Variants in GPHN observed in about 807,000 individuals in gnomAD.
GPHN encodes the protein gephyrin.
In GPHN, 17 loss-of-function variants were observed where a neutral mutation model predicts 95.5. The ratio of observed to expected loss-of-function variants is 0.18; its 90% CI spans 0.12 to 0.27. The LOEUF (loss-of-function observed/expected upper bound fraction) is 0.27, where lower values mean the gene tolerates loss of function less well. Ranked by LOEUF, GPHN falls within the 10% of genes least tolerant of loss-of-function variation. The probability of loss-of-function intolerance (pLI) is 1.00; values close to 1 mark genes in which losing one functional copy is unlikely to be tolerated. For missense variants in GPHN, 660 were observed against 978.1 expected (o/e 0.67, Z 4.34); for synonymous variants, 320 against 322.5 (o/e 0.99, Z 0.08).
At chr14:67,390,154 C>T in the GPHN span, among the ~76,000 whole-genome samples, 1 of 152,136 alleles carries the variant, frequency 6.6e-6, no homozygotes, top group Non-Finnish European at 1.5e-5. Context: ...GTATCAGAAA[C>T]ATAAAAATGA....
chr14:66,679,641 G>A (rs1218925129), intron 1 of GPHN, among the ~76,000 whole-genome samples: 4 of 152,080 alleles, frequency 2.6e-5, no homozygotes, highest in Non-Finnish European at 2.9e-5. Flanking sequence ...CTTTCTTGCT[G>A]TGCTTCAGTG....
At chr14:66,677,033 G>A (rs2066640819) in intron 1 of GPHN, among the ~76,000 whole-genome samples, 2 of 151,996 alleles carry the variant, frequency 1.3e-5, no homozygotes, top group Non-Finnish European at 1.5e-5. Context: ...ATGTGTCCAG[G>A]AATGTATCCA....
chr14:67,342,006 CACCACTCCCTAA>C, the GPHN span, among the ~76,000 whole-genome samples: 1 of 151,484 alleles, frequency 6.6e-6, no homozygotes, highest in Non-Finnish European at 1.5e-5. Context: ...TAAGAGTCAT[CACCACTCCCTAA>C]TCTCAAGTAC....
intron 14 of GPHN, 101 bp downstream of exon 14, chr14:67,110,360 T>C: frequency 8.0e-7 from 1 of 1,252,566 alleles, no homozygotes; most frequent in Non-Finnish European, 1.2e-6. Flanking sequence ...TTTTTTGGGT[T>C]GTTTAGTTTT....
chr14:67,662,962 T>C, the GPHN span: 1 of 1,255,186 alleles, frequency 8.0e-7, no homozygotes, highest in East Asian at 3.7e-5. Flanking sequence ...CCCTCACCAC[T>C]CCCACAGTGA....
the GPHN span, among the ~76,000 whole-genome samples, chr14:67,451,964 A>C: frequency 3.3e-5 from 5 of 152,158 alleles, no homozygotes; most frequent in African/African-American, 1.2e-4. Context: ...AGATGATTGA[A>C]TCATCAGGGT....
intron 1 of GPHN, among the ~76,000 whole-genome samples, chr14:66,569,054 G>A (rs534538612): frequency 2.6e-5 from 4 of 152,218 alleles, no homozygotes; most frequent in African/African-American, 9.6e-5. Flanking sequence ...ACATGAAATA[G>A]TATATATTTT....
At chr14:67,593,666 G>A in the GPHN span, 5 of 819,534 alleles carry the variant, frequency 6.1e-6, no homozygotes, top group Non-Finnish European at 8.3e-6. Flanking sequence ...TACGGTTTTA[G>A]TTTAAATCTG....
chr14:67,225,070 A>C, the GPHN span: 1 of 1,492,864 alleles, frequency 6.7e-7, no homozygotes, highest in African/African-American at 1.5e-5. Context: ...CTTCCTCTCT[A>C]TTGATCTCTC....
intron 2 of GPHN, chr14:66,760,909 A>G: frequency 1.0e-6 from 1 of 955,612 alleles, no homozygotes; most frequent in East Asian, 3.4e-5. Context: ...AAAGAAGTCA[A>G]GCAAAACATC....
the GPHN span, chr14:67,578,324 C>T: frequency 1.2e-6 from 1 of 837,642 alleles, no homozygotes; most frequent in Non-Finnish European, 1.9e-6. This position sits in a 1 kb window ranked among gnomAD's most constrained non-coding sequence, Gnocchi z 5.0. Flanking sequence ...CTCTGTGCTC[C>T]AAGCTGCATC....
chr14:67,284,312 G>T, the GPHN span, among the ~76,000 whole-genome samples: 2 of 151,416 alleles, frequency 1.3e-5, no homozygotes, highest in Non-Finnish European at 2.9e-5. Flanking sequence ...TCACAAGGTT[G>T]TGCAGGCAGG....
intron 13 of GPHN, among the ~76,000 whole-genome samples, chr14:67,103,511 C>CTTTTTTTTT: frequency 1.5e-4 from 8 of 53,394 alleles, no homozygotes; most frequent in African/African-American, 3.3e-4. Flanking sequence ...GTTTCTTTCT[C>CTTTTTTTTT]TTTTTTTTTT....
At chr14:66,702,950 A>T (rs1321982642) in intron 2 of GPHN, among the ~76,000 whole-genome samples, 3 of 152,210 alleles carry the variant, frequency 2.0e-5, no homozygotes, top group Admixed American at 1.3e-4. Flanking sequence ...AGGAGCATAA[A>T]TGACCCTATG....
the GPHN span, among the ~76,000 whole-genome samples, chr14:67,482,883 C>A: frequency 1.3e-5 from 2 of 152,194 alleles, no homozygotes; most frequent in South Asian, 4.1e-4. Flanking sequence ...CTCCCTCCAC[C>A]TCCCAAGTCA....
At chr14:66,575,215 A>G (rs1185572374) in intron 1 of GPHN, among the ~76,000 whole-genome samples, 6 of 151,158 alleles carry the variant, frequency 4.0e-5, no homozygotes, top group Non-Finnish European at 8.9e-5. Flanking sequence ...CTTGGTTGAC[A>G]GATTTTTTTT....
At chr14:66,728,262 G>A (rs759758177) in intron 2 of GPHN, among the ~76,000 whole-genome samples, 1 of 152,106 alleles carries the variant, frequency 6.6e-6, no homozygotes, top group African/African-American at 2.4e-5. Flanking sequence ...CTCTCATGGA[G>A]AATCTCTGCT....
At chr14:67,653,525 C>T in the GPHN span, 1 of 1,600,436 alleles carries the variant, frequency 6.2e-7, no homozygotes, top group South Asian at 1.1e-5. Context: ...GTGATTATTT[C>T]CCTCTTTAAA....
the GPHN span, among the ~76,000 whole-genome samples, chr14:67,604,444 C>T: frequency 1.3e-5 from 2 of 152,224 alleles, no homozygotes; most frequent in East Asian, 3.9e-4. Context: ...CCTATAATCC[C>T]AGCACTTTGA....
Sources: allele counts gnomAD v4.1 joint callset (sites outside exome capture counted in the v4.1 genomes callset), GRCh38; gene constraint gnomAD v4.1.1; non-coding constraint Gnocchi (gnomAD v3.1); transcripts MANE v1.5; gene names NCBI Gene and HGNC (gene_info 2026-07-23, HGNC 2026-07-21).